Variants in NOL4 observed in about 807,000 individuals in gnomAD.
NOL4 encodes the protein nucleolar protein 4.
Under a neutral mutation model 75.9 loss-of-function variants are expected in NOL4, and 17 were observed. That is an observed-to-expected ratio of 0.22 (90% CI 0.15 to 0.34). The LOEUF (loss-of-function observed/expected upper bound fraction) is 0.34. Ranked by LOEUF, NOL4 falls within the 10% of genes least tolerant of loss-of-function variation. The pLI, the probability that NOL4 is intolerant of heterozygous loss-of-function variation, is 1.00. For synonymous variants in NOL4, 292 were observed against 289.9 expected (o/e 1.01, Z -0.07); for missense variants, 614 against 793.5 (o/e 0.77, Z 2.72).
chr18:33,876,597 C>T (rs948351938), intron 10 of NOL4, among the ~76,000 whole-genome samples: 2 of 152,026 alleles, frequency 1.3e-5, no homozygotes, highest in African/African-American at 4.8e-5. Context: ...TAGTTTCTTT[C>T]TCCAGAGCTC....
At chr18:33,854,456 G>C (rs757068254) in intron 10 of NOL4, among the ~76,000 whole-genome samples, 1 of 152,026 alleles carries the variant, frequency 6.6e-6, no homozygotes, top group Non-Finnish European at 1.5e-5. Flanking sequence ...AAAATCATGA[G>C]ACTGACACGA....
intron 9 of NOL4, among the ~76,000 whole-genome samples, chr18:33,924,139 G>A (rs1210067228): frequency 6.6e-6 from 1 of 152,204 alleles, no homozygotes; most frequent in Non-Finnish European, 1.5e-5. Flanking sequence ...CTTGTATCAA[G>A]CTGCTCTATT....
chr18:33,990,117 T>C lies in NOL4; in HGVS notation c.1056+29201A>G, dbSNP rs185193939. On this transcript the variant is annotated intron_variant, in intron 6 of 10. Coordinates refer to ENST00000261592, the MANE Select transcript of NOL4 (RefSeq NM_003787.5). ...AGATAATTTTAGACTTTGAAGTGTA[T>C]GATGAAAAATCAAATAAGGTATTGT... Among the ~76,000 whole-genome samples, 166 of 152,200 alleles carry C rather than the reference T, an allele frequency of 1.1e-3. 1 individual carries two copies. The highest frequency in any genetic ancestry group is 2.0e-3 in the Admixed American group (31 of 15,266).
intron 9 of NOL4, among the ~76,000 whole-genome samples, chr18:33,893,404 G>A (rs1376119710): frequency 1.3e-5 from 2 of 152,094 alleles, no homozygotes; most frequent in East Asian, 3.9e-4. Flanking sequence ...TTTGGACCCT[G>A]AGCCAACACA....
At chr18:34,078,287 A>G (rs1600505193) in intron 5 of NOL4, among the ~76,000 whole-genome samples, 1 of 152,326 alleles carries the variant, frequency 6.6e-6, no homozygotes, top group Admixed American at 6.5e-5. Context: ...TTAGGGAGAC[A>G]TAAATTGTGT....
intron 1 of NOL4, among the ~76,000 whole-genome samples, chr18:34,205,122 A>C (rs1012694556): frequency 1.3e-4 from 20 of 152,140 alleles, no homozygotes; most frequent in African/African-American, 4.8e-4. Flanking sequence ...TTTAAATTTC[A>C]AAAGTTTACT....
intron 10 of NOL4, among the ~76,000 whole-genome samples, chr18:33,879,077 G>C (rs1057176225): frequency 6.6e-6 from 1 of 152,034 alleles, no homozygotes; most frequent in Non-Finnish European, 1.5e-5. Context: ...TTAAACAATT[G>C]AAGTTTATTT....
chr18:33,993,120 A>T (rs998266152), intron 6 of NOL4, among the ~76,000 whole-genome samples: 1 of 151,950 alleles, frequency 6.6e-6, no homozygotes, highest in South Asian at 2.1e-4. Context: ...GACAGAACAA[A>T]TCTCAAACAC....
At chr18:33,897,931 T>A (rs2065512170) in intron 9 of NOL4, among the ~76,000 whole-genome samples, 1 of 152,114 alleles carries the variant, frequency 6.6e-6, no homozygotes, top group Non-Finnish European at 1.5e-5. Flanking sequence ...AATAACTTTT[T>A]GAGACAGGAT....
At chr18:34,028,023 A>G (rs1389744701) in intron 5 of NOL4, among the ~76,000 whole-genome samples, 1 of 152,202 alleles carries the variant, frequency 6.6e-6, no homozygotes, top group East Asian at 1.9e-4. Context: ...TCTGTCTTGG[A>G]TGACCATTAG....
chr18:34,098,650 A>T (rs1383885352), intron 4 of NOL4, among the ~76,000 whole-genome samples: 1 of 152,130 alleles, frequency 6.6e-6, no homozygotes, highest in Non-Finnish European at 1.5e-5. Flanking sequence ...ACTGAAAAAC[A>T]TCTAATTTCT....
chr18:34,207,374 T>G (rs575265688), intron 1 of NOL4, among the ~76,000 whole-genome samples: 1 of 152,320 alleles, frequency 6.6e-6, no homozygotes, highest in East Asian at 1.9e-4. Context: ...CCCATTAGAC[T>G]GACACCAAAA....
chr18:33,895,372 T>C (rs759887492), intron 9 of NOL4, among the ~76,000 whole-genome samples: 79 of 152,120 alleles, frequency 5.2e-4, no homozygotes, highest in Non-Finnish European at 1.0e-3. Flanking sequence ...CAGGTTTAAA[T>C]GTAACACTTT....
chr18:33,909,775 C>A (rs1033908545), intron 9 of NOL4, among the ~76,000 whole-genome samples: 4 of 151,850 alleles, frequency 2.6e-5, no homozygotes, highest in Non-Finnish European at 4.4e-5. Flanking sequence ...ATGATCCCTG[C>A]CCTCATGGGA....
At chr18:33,890,128 T>C (rs1035609406) in intron 9 of NOL4, among the ~76,000 whole-genome samples, 3 of 152,084 alleles carry the variant, frequency 2.0e-5, no homozygotes, top group African/African-American at 2.4e-5. Context: ...GATTGTATAT[T>C]TAGAAAACCC....
At chr18:34,217,446 A>C (rs531294233) in intron 1 of NOL4, among the ~76,000 whole-genome samples, 96 of 151,750 alleles carry the variant, frequency 6.3e-4, no homozygotes, top group African/African-American at 2.2e-3. Context: ...GGCCACACCC[A>C]GCTAATTTTT....
chr18:33,894,296 G>C (rs1457806817), intron 9 of NOL4, among the ~76,000 whole-genome samples: 1 of 152,092 alleles, frequency 6.6e-6, no homozygotes, highest in Non-Finnish European at 1.5e-5. Context: ...TTAGGATGTT[G>C]AGAAGTGATT....
chr18:34,112,117 C>T (rs2079618780), intron 2 of NOL4, among the ~76,000 whole-genome samples: 1 of 152,030 alleles, frequency 6.6e-6, no homozygotes, highest in Admixed American at 6.6e-5. Flanking sequence ...ACCTGCAATC[C>T]CAGCACTTTG....
At position 34,172,174 on chromosome 18, in the gene NOL4, A is replaced by G. The variant is rs556653379; in HGVS notation, c.265-42154T>C. On this transcript the variant is annotated intron_variant, in intron 1 of 10. Transcript: ENST00000261592. ...TTTAAGATCAGGAACTAAAAGATTA[A>G]TAATTATTTTTTCTATATCACTTGC... is the stretch of plus-strand genomic sequence containing the variant. Among the ~76,000 whole-genome samples, 3 of 152,260 alleles carry G rather than the reference A, an allele frequency of 2.0e-5. No individual in the cohort carries two copies. The South Asian group carries it at 6.2e-4, about 32-fold the overall frequency.
Sources: allele counts gnomAD v4.1 joint callset (sites outside exome capture counted in the v4.1 genomes callset), GRCh38; gene constraint gnomAD v4.1.1; transcripts MANE v1.5; gene names NCBI Gene and HGNC (gene_info 2026-07-23, HGNC 2026-07-21).